Variants in KAZN observed in about 807,000 individuals in gnomAD.
KAZN encodes kazrin, periplakin interacting protein, also known as kazrin.
Under a neutral mutation model 87.4 loss-of-function variants are expected in KAZN, and 40 were observed. That is an observed-to-expected ratio of 0.46 (90% CI 0.36 to 0.60). KAZN has a LOEUF of 0.60. Ranked by LOEUF, KAZN falls within the 20% of genes least tolerant of loss-of-function variation. The probability of loss-of-function intolerance (pLI) is 0.00; values close to 1 mark genes in which losing one functional copy is unlikely to be tolerated. For synonymous variants in KAZN, 466 were observed against 458.3 expected (o/e 1.02, Z -0.22); for missense variants, 898 against 1,073.9 (o/e 0.84, Z 2.29).
chr1:14,119,669 G>C (rs557186747), intron 1 of KAZN, among the ~76,000 whole-genome samples: 1 of 152,288 alleles, frequency 6.6e-6, no homozygotes, highest in South Asian at 2.1e-4. Context: ...CCAACCCAGT[G>C]TGGGACATGC....
At chr1:14,672,043 A>T (rs1639949311) in intron 1 of KAZN, among the ~76,000 whole-genome samples, 1 of 152,128 alleles carries the variant, frequency 6.6e-6, no homozygotes, top group Non-Finnish European at 1.5e-5. Flanking sequence ...AGAAATGAAC[A>T]TCCTTGCCTC....
At chr1:13,957,854 A>G (rs1348809193) in intron 1 of KAZN, among the ~76,000 whole-genome samples, 1 of 152,190 alleles carries the variant, frequency 6.6e-6, no homozygotes. Flanking sequence ...ACCAAATTTC[A>G]GTATGAGACT....
intron 1 of KAZN, among the ~76,000 whole-genome samples, chr1:14,632,840 A>C (rs1217012370): frequency 2.0e-5 from 3 of 152,004 alleles, no homozygotes; most frequent in African/African-American, 7.3e-5. Context: ...GCGTGACCTG[A>C]ATACATTTGT....
At chr1:14,663,624 A>C (rs1639330123) in intron 1 of KAZN, among the ~76,000 whole-genome samples, 1 of 152,078 alleles carries the variant, frequency 6.6e-6, no homozygotes, top group Non-Finnish European at 1.5e-5. Context: ...TGCTGTAAAA[A>C]ACAAAACAAA....
At chr1:14,460,572 C>T (rs1667804488) in intron 2 of KAZN, among the ~76,000 whole-genome samples, 1 of 152,196 alleles carries the variant, frequency 6.6e-6, no homozygotes, top group Non-Finnish European at 1.5e-5. Context: ...TCAGTAATTA[C>T]TGCAGGCCTG....
At chr1:15,069,725 C>T (rs1490373710) in intron 8 of KAZN, among the ~76,000 whole-genome samples, 2 of 152,172 alleles carry the variant, frequency 1.3e-5, no homozygotes, top group East Asian at 1.9e-4. Context: ...AGTAGGGCTG[C>T]CCAGGGCATC....
chr1:14,737,361 A>T (rs1368228464), intron 1 of KAZN, among the ~76,000 whole-genome samples: 1 of 152,176 alleles, frequency 6.6e-6, no homozygotes, highest in Non-Finnish European at 1.5e-5. Flanking sequence ...CCATTCAGGG[A>T]TCCTCCACGG....
At chr1:14,452,114 A>G (rs191802903) in intron 2 of KAZN, among the ~76,000 whole-genome samples, 1 of 151,966 alleles carries the variant, frequency 6.6e-6, no homozygotes, top group African/African-American at 2.4e-5. Context: ...TAATTTTTGT[A>G]TTTTTAGAAG....
intron 2 of KAZN, among the ~76,000 whole-genome samples, chr1:14,396,340 C>CCAGCT (rs2101112551): frequency 6.6e-6 from 1 of 152,322 alleles, no homozygotes; most frequent in Admixed American, 6.5e-5. Context: ...TTCAGCCACA[C>CCAGCT]CAGCTATGGC....
intron 1 of KAZN, among the ~76,000 whole-genome samples, chr1:14,838,865 G>A (rs141075054): frequency 1.8e-4 from 28 of 152,112 alleles, no homozygotes; most frequent in Non-Finnish European, 2.8e-4. Flanking sequence ...CAAATGATCC[G>A]CCCACTTTGG....
intron 1 of KAZN, among the ~76,000 whole-genome samples, chr1:14,638,404 A>G (rs1049429757): frequency 9.9e-5 from 15 of 152,156 alleles, no homozygotes; most frequent in Middle Eastern, 3.4e-3. Context: ...CCCCGTCTCT[A>G]CTAAAAATAC....
At chr1:14,673,037 G>A (rs889542713) in intron 1 of KAZN, among the ~76,000 whole-genome samples, 57 of 152,330 alleles carry the variant, frequency 3.7e-4, no homozygotes, top group African/African-American at 1.3e-3. Flanking sequence ...TAACATTGGG[G>A]AACTCCTGAA....
chr1:14,194,571 G>A (rs746561626), intron 2 of KAZN, among the ~76,000 whole-genome samples: 1 of 152,146 alleles, frequency 6.6e-6, no homozygotes, highest in African/African-American at 2.4e-5. Context: ...CCTTGGGGAG[G>A]CAGTCTGTAA....
intron 1 of KAZN, among the ~76,000 whole-genome samples, chr1:14,934,364 G>A (rs909392683): frequency 6.6e-6 from 1 of 151,166 alleles, no homozygotes; most frequent in East Asian, 2.0e-4. Context: ...CTGCCACCAC[G>A]CCCGGCTAAT....
chr1:15,074,532 G>A (rs1182719322), intron 8 of KAZN, among the ~76,000 whole-genome samples: 1 of 152,096 alleles, frequency 6.6e-6, no homozygotes, highest in African/African-American at 2.4e-5. Flanking sequence ...CTTAACCCTG[G>A]TAGAACAGGA....
intron 2 of KAZN, among the ~76,000 whole-genome samples, chr1:14,332,142 T>C (rs558941554): frequency 6.6e-6 from 1 of 152,288 alleles, no homozygotes; most frequent in South Asian, 2.1e-4. Context: ...CCCACAGAAA[T>C]AGGGCCAGGC....
At chr1:14,178,443 C>A (rs891442199) in intron 1 of KAZN, among the ~76,000 whole-genome samples, 1 of 152,154 alleles carries the variant, frequency 6.6e-6, no homozygotes, top group Admixed American at 6.5e-5. Flanking sequence ...CCAATCTTTT[C>A]TTCTCCATTG....
Position 15,112,500 on chromosome 1 carries a change from AAGG to A in KAZN, c.2128_2130del (p.Glu710del), listed in dbSNP as rs757502114. On this transcript the variant is annotated inframe_deletion, in exon 14 of 15. Transcript: ENST00000376030. ...GGCCTCCAGCGTCACGCGGGCAGGA[AAGG>A]AGGAGAACAGCAGCGGTCTCAAGTA... 1.4e-5 allele frequency: 22 copies of A among 1,606,712 alleles called. No homozygotes were observed. Among genetic ancestry groups the A allele is most frequent in the South Asian group, 3.4e-5 (3 of 89,226 alleles).
intron 2 of KAZN, among the ~76,000 whole-genome samples, chr1:14,490,342 A>G (rs1436507577): frequency 6.6e-6 from 1 of 152,096 alleles, no homozygotes; most frequent in Non-Finnish European, 1.5e-5. Flanking sequence ...TTGCTTTTTG[A>G]GAGACACAGT....
Sources: allele counts gnomAD v4.1 joint callset (sites outside exome capture counted in the v4.1 genomes callset), GRCh38; gene constraint gnomAD v4.1.1; transcripts MANE v1.5; gene names NCBI Gene and HGNC (gene_info 2026-07-23, HGNC 2026-07-21).